The following ABLIM2 variants were observed in gnomAD, a reference collection of about 807,000 sequenced individuals.
ABLIM2 encodes the protein actin-binding LIM protein 2.
Under a neutral mutation model 97.7 loss-of-function variants are expected in ABLIM2, and 53 were observed. That is an observed-to-expected ratio of 0.54 (90% CI 0.44 to 0.68). The LOEUF is 0.68. ABLIM2 is among the 30% of genes least tolerant of loss of function. The probability of loss-of-function intolerance (pLI) is 0.00; values close to 1 mark genes in which losing one functional copy is unlikely to be tolerated. For synonymous variants in ABLIM2, 361 were observed against 345.8 expected (o/e 1.04, Z -0.49); for missense variants, 835 against 867.2 (o/e 0.96, Z 0.47).
intron 8 of ABLIM2, among the ~76,000 whole-genome samples, chr4:8,053,640 C>T (rs1409320600): frequency 6.6e-6 from 1 of 152,134 alleles, no homozygotes; most frequent in Non-Finnish European, 1.5e-5. Flanking sequence ...CTCTTAGATG[C>T]CTCTTTGCTA....
intron 1 of ABLIM2, among the ~76,000 whole-genome samples, chr4:8,131,967 G>A (rs202174972): frequency 7.2e-6 from 1 of 138,446 alleles, no homozygotes; most frequent in Non-Finnish European, 1.5e-5. Context: ...ACAGCAGCCC[G>A]CATCCCCTGC....
At chr4:8,145,741 C>T (rs1851676894) in intron 1 of ABLIM2, among the ~76,000 whole-genome samples, 1 of 119,822 alleles carries the variant, frequency 8.3e-6, no homozygotes, top group Admixed American at 1.0e-4. Flanking sequence ...AGACTACACA[C>T]TCATACACAC....
intron 20 of ABLIM2, among the ~76,000 whole-genome samples, chr4:7,969,479 C>G (rs1725793095): frequency 6.6e-6 from 1 of 152,036 alleles, no homozygotes; most frequent in Non-Finnish European, 1.5e-5. Flanking sequence ...ACAAAAAACT[C>G]AAGTGCTATA....
chr4:8,021,859 C>T lies in ABLIM2; in HGVS notation c.1268-1556G>A, dbSNP rs957131528. On this transcript the variant is annotated intron_variant, in intron 12 of 20. Coordinates refer to ENST00000447017, the MANE Select transcript of ABLIM2 (RefSeq NM_001130083.2). The surrounding 1 kb of genome is among the most constrained non-coding windows in gnomAD (Gnocchi z 5.5). ...GATGGAGCGTCAGATAACTGCCCTTCCCTTAGCAACCTCCCTCCAGAACAG... is the reference window on the plus strand; with the variant it reads ...GATGGAGCGTCAGATAACTGCCCTTTCCTTAGCAACCTCCCTCCAGAACAG... Among the ~76,000 whole-genome samples, 2 of 152,238 alleles carry T rather than the reference C, an allele frequency of 1.3e-5. No homozygotes were observed. The highest frequency in any genetic ancestry group is 4.8e-5 in the African/African-American group (2 of 41,456).
rs73074054 is a variant in ABLIM2 at position 8,054,407 on chromosome 4, C to T, written c.764-161G>A. ...ATCCTCTCTGTGCTGGAGTTAGTGC[C>T]GGGCAGGGGGTACCCAGATCACAGT... On this transcript the variant is annotated intron_variant, in intron 7 of 20. Coordinates refer to ENST00000447017, the MANE Select transcript of ABLIM2 (RefSeq NM_001130083.2). The surrounding 1 kb of genome is among the most constrained non-coding windows in gnomAD (Gnocchi z 4.9). Among the ~76,000 whole-genome samples the T allele has an allele frequency of 0.017, 2,564 of 152,336 alleles. 74 individuals are homozygous for T. Among genetic ancestry groups the T allele is most frequent in the African/African-American group, 0.059 (2,446 of 41,558 alleles).
Position 8,127,816 on chromosome 4 carries a change from C to A in ABLIM2, c.11-21179G>T. 1 of 607,492 alleles carries A rather than the reference C, an allele frequency of 1.6e-6. No individual in the cohort carries two copies. The highest frequency in any genetic ancestry group is 2.1e-6 in the Non-Finnish European group (1 of 486,714). The allele number at this position is 607,492 out of a possible 1,614,324, so 37.6% of individuals were successfully genotyped here. A position where few individuals can be genotyped will look rare whatever the true frequency, so the allele number is the denominator to read the frequency against. On this transcript the variant is annotated intron_variant, in intron 1 of 20. Transcript: ENST00000447017. The surrounding 1 kb of genome is among the most constrained non-coding windows in gnomAD (Gnocchi z 7.3). ...GCCAGAGACACACCTGTCTCCCAGGCATCCGGGAAAGGGGCTCTGAAAAGG... is the reference window on the plus strand; with the variant it reads ...GCCAGAGACACACCTGTCTCCCAGGAATCCGGGAAAGGGGCTCTGAAAAGG...
Position 8,077,608 on chromosome 4 carries a change from G to A in ABLIM2, c.675+20C>T. The A allele has an allele frequency of 6.3e-7, 1 of 1,587,220 alleles. No individual in the cohort carries two copies. The highest frequency in any genetic ancestry group is 2.3e-5 in the East Asian group (1 of 43,602). On this transcript the variant is annotated intron_variant, in intron 6 of 20. Coordinates refer to ENST00000447017, the MANE Select transcript of ABLIM2 (RefSeq NM_001130083.2). ...AGGCCCTAGCTCAGAGCGGGCAGGG[G>A]CCCGGCCCGCCGCGCTTACCTCCAG...
At chr4:8,151,964 G>A (rs1712999648) in intron 1 of ABLIM2, among the ~76,000 whole-genome samples, 1 of 152,090 alleles carries the variant, frequency 6.6e-6, no homozygotes, top group Non-Finnish European at 1.5e-5. Flanking sequence ...GAGTCACAGA[G>A]GCCATGCAAT....
intron 1 of ABLIM2, among the ~76,000 whole-genome samples, chr4:8,135,842 G>C (rs1850118268): frequency 6.6e-6 from 1 of 152,204 alleles, no homozygotes; most frequent in South Asian, 2.1e-4. Flanking sequence ...GACAATAAGA[G>C]CTCCCACTTC....
intron 1 of ABLIM2, among the ~76,000 whole-genome samples, chr4:8,137,206 C>A (rs1027929910): frequency 4.6e-5 from 7 of 152,216 alleles, no homozygotes; most frequent in Non-Finnish European, 8.8e-5. Flanking sequence ...ACTCCTCAGG[C>A]CCTTAGTCCC....
chr4:8,080,953 C>G (rs892852441), intron 4 of ABLIM2, among the ~76,000 whole-genome samples, 151 bp from the exon 5 acceptor site: 5 of 152,156 alleles, frequency 3.3e-5, no homozygotes, highest in Non-Finnish European at 7.4e-5. Flanking sequence ...GGAGGAGTCT[C>G]TTACACAGCA....
rs1302011309 is a variant in ABLIM2, at chr4:8,120,021, A to G, written c.11-13384T>C. On this transcript the variant is annotated intron_variant, in intron 1 of 20. Transcript: ENST00000447017. This position sits in a 1 kb window ranked among gnomAD's most constrained non-coding sequence, Gnocchi z 5.6. ...TTTGAGGCAGGGGTCCATGAGGACAAAGTCACTCTTGGCCACAAATAGGCT... is the reference window on the plus strand; with the variant it reads ...TTTGAGGCAGGGGTCCATGAGGACAGAGTCACTCTTGGCCACAAATAGGCT... 1.3e-5 allele frequency among the ~76,000 whole-genome samples: 2 copies of G among 152,156 alleles called. No homozygotes were observed. Among genetic ancestry groups the G allele is most frequent in the Admixed American group, 6.5e-5 (1 of 15,284 alleles).
In ABLIM2 at chr4:8,051,448, T is replaced by C. The variant is rs1795994914; in HGVS notation, c.822+2740A>G. Among the ~76,000 whole-genome samples the C allele has an allele frequency of 2.7e-5, 4 of 150,798 alleles. No homozygotes were observed. The South Asian group carries it at 8.3e-4, about 31-fold the overall frequency. On this transcript the variant is annotated intron_variant, in intron 8 of 20. Coordinates refer to ENST00000447017, the MANE Select transcript of ABLIM2 (RefSeq NM_001130083.2). Reference sequence around the variant, plus strand: ...GGTGCGTGGCTGTAGTCCCAGCTACTTGGGAGGCTGCGGCTGAAGAATAGC... The same window carrying C: ...GGTGCGTGGCTGTAGTCCCAGCTACCTGGGAGGCTGCGGCTGAAGAATAGC...
intron 20 of ABLIM2, among the ~76,000 whole-genome samples, chr4:7,973,075 C>CTGTGTGTGTGTGTGTGTGTGTGTGTGTG (rs71175444): frequency 0.021 from 2,586 of 123,816 alleles, 134 homozygotes; most frequent in Middle Eastern, 0.025. Context: ...GCTCCCCTTG[C>CTGTGTGTGTGTGTGTGTGTGTGTGTGTG]TGTGTGTGTG....
intron 4 of ABLIM2, among the ~76,000 whole-genome samples, chr4:8,081,709 T>C (rs1819934690): frequency 6.6e-6 from 1 of 152,092 alleles, no homozygotes; most frequent in Admixed American, 6.6e-5. Context: ...TTCCTGTGAA[T>C]ATATGAGGTC....
chr4:8,151,685 C>A (rs1712846273), intron 1 of ABLIM2, among the ~76,000 whole-genome samples: 4 of 152,102 alleles, frequency 2.6e-5, no homozygotes, highest in Admixed American at 2.6e-4. Flanking sequence ...ATGGCAGTGG[C>A]CCTGTTTTTA....
intron 9 of ABLIM2, among the ~76,000 whole-genome samples, chr4:8,040,982 G>A (rs549878152): frequency 6.6e-6 from 1 of 152,362 alleles, no homozygotes; most frequent in African/African-American, 2.4e-5. Flanking sequence ...AGGCCAAGAG[G>A]AAGCAGCATG....
chr4:8,157,458 C>T (rs1170586242), intron 1 of ABLIM2, among the ~76,000 whole-genome samples: 3 of 152,248 alleles, frequency 2.0e-5, no homozygotes, highest in Non-Finnish European at 4.4e-5. Context: ...CTGCCTCTGA[C>T]CTCCCCAACC....
intron 1 of ABLIM2, among the ~76,000 whole-genome samples, chr4:8,137,471 G>C (rs1850350047): frequency 6.6e-6 from 1 of 152,226 alleles, no homozygotes; most frequent in African/African-American, 2.4e-5. Context: ...GAAGGGGCAG[G>C]GGAGCGGGGG....
Sources: gnomAD v4.1 joint callset for allele counts (sites outside exome capture counted in the v4.1 genomes callset) on GRCh38, gnomAD v4.1.1 for gene constraint, Gnocchi (gnomAD v3.1) non-coding constraint, MANE v1.5 for transcripts, NCBI Gene and HGNC (gene_info 2026-07-23, HGNC 2026-07-21) for gene names.